Variants in GALNS observed in about 807,000 individuals in gnomAD.
GALNS encodes N-acetylgalactosamine-6-sulfatase.
A neutral mutation model predicts 65.9 loss-of-function variants in GALNS; 65 were observed. That is an observed-to-expected ratio of 0.99 (90% CI 0.81 to 1.21). The LOEUF (loss-of-function observed/expected upper bound fraction) is 1.21, where lower values mean the gene tolerates loss of function less well. GALNS is among the 50% of genes most tolerant of loss of function. The pLI is 0.00. For missense variants in GALNS, 776 were observed against 700.7 expected (o/e 1.11, Z -1.21); for synonymous variants, 346 against 288.9 (o/e 1.20, Z -2.00).
At chr16:88,824,904 G>A in intron 10 of GALNS, 35 bp from the exon 11 acceptor site, 1 of 1,586,616 alleles carries the variant, frequency 6.3e-7, no homozygotes, top group Non-Finnish European at 8.6e-7. Context: ...TGTAATGACA[G>A]GAAGGACACG....
At chr16:88,833,027 G>C (rs1182126587) in intron 8 of GALNS, among the ~76,000 whole-genome samples, 1 of 142,516 alleles carries the variant, frequency 7.0e-6, no homozygotes, top group South Asian at 2.2e-4. Context: ...ACAGTGAGCT[G>C]AGATCGCGCC....
In GALNS at chr16:88,833,228, C is replaced by G. The variant is rs557778397; in HGVS notation, c.899-1127G>C. On this transcript the variant is annotated intron_variant, in intron 8 of 13. Coordinates refer to ENST00000268695, the MANE Select transcript of GALNS (RefSeq NM_000512.5). ...AAGCCTCTGAACGGAACCTCGCAGG[C>G]AGCTCTGCTCAGAGCCCCTCACGGG... is the stretch of plus-strand genomic sequence containing the variant. Among the ~76,000 whole-genome samples, 140 of 152,324 alleles carry G rather than the reference C, an allele frequency of 9.2e-4. 1 individual carries two copies. Among genetic ancestry groups the G allele is most frequent in the Admixed American group, 3.3e-3 (51 of 15,304 alleles).
intron 1 of GALNS, chr16:88,856,415 G>C (rs1361083534): frequency 1.4e-6 from 1 of 701,158 alleles, no homozygotes; most frequent in Non-Finnish European, 2.6e-6. Flanking sequence ...AGGTCAGACG[G>C]GGGAGGCAGG....
chr16:88,816,143 G>T (rs1405868644), intron 13 of GALNS: 3 of 985,332 alleles, frequency 3.0e-6, no homozygotes, highest in Non-Finnish European at 3.6e-6. Context: ...CCCCTGCAGA[G>T]AGCACAGGTG....
chr16:88,827,372 G>A (rs1911040256), intron 9 of GALNS, among the ~76,000 whole-genome samples: 1 of 152,212 alleles, frequency 6.6e-6, no homozygotes, highest in Non-Finnish European at 1.5e-5. Flanking sequence ...CCTCCGGAGG[G>A]CGTGGGCACT....
In GALNS at chr16:88,856,946, C is replaced by T. The variant is rs973158848; in HGVS notation, c.-69G>A. The T allele has an allele frequency of 1.6e-5, 23 of 1,452,482 alleles. No homozygotes were observed. The highest frequency in any genetic ancestry group is 1.0e-4 in the African/African-American group (7 of 66,992). The allele number at this position is 1,452,482 out of a possible 1,614,324, so 90.0% of individuals were successfully genotyped here. A position where few individuals can be genotyped will look rare whatever the true frequency, so the allele number is the denominator to read the frequency against. On this transcript the variant is annotated 5_prime_UTR_variant, in exon 1 of 14. Coordinates refer to ENST00000268695, the MANE Select transcript of GALNS (RefSeq NM_000512.5). The stretch of plus-strand genomic sequence containing the variant: ...AGCGAGCGTCCGCCGGCCCTTCCGG[C>T]TGGGCTGCGGGGCGGGGCCTGGACG...
rs558911063 is a variant in GALNS, at chr16:88,856,745, C to G, written c.120+13G>C. On this transcript the variant is annotated intron_variant, in intron 1 of 13. Coordinates refer to ENST00000268695, the MANE Select transcript of GALNS (RefSeq NM_000512.5). ...CCACCCCGGCCCTGCCCCGTCCCAC[C>G]GCCCGCACTCACGTCGTCCATGAGC... is the stretch of plus-strand genomic sequence containing the variant. 14 of 1,503,268 alleles carry G rather than the reference C, an allele frequency of 9.3e-6. No individual in the cohort carries two copies. The African/African-American group carries it at 1.7e-4, about 18-fold the overall frequency. The allele number at this position is 1,503,268 out of a possible 1,614,324, so 93.1% of individuals were successfully genotyped here. A position where few individuals can be genotyped will look rare whatever the true frequency, so the allele number is the denominator to read the frequency against.
intron 13 of GALNS, 90 bp from the exon 14 acceptor site, chr16:88,814,615 A>C: frequency 6.5e-7 from 1 of 1,541,302 alleles, no homozygotes; most frequent in Non-Finnish European, 8.7e-7. Context: ...TGCTGTTCTG[A>C]GACAGTCTCA....
intron 13 of GALNS, chr16:88,816,514 C>G (rs1378408449): frequency 1.6e-6 from 1 of 627,256 alleles, no homozygotes; most frequent in Non-Finnish European, 2.0e-6. Flanking sequence ...TTGCCAGGCA[C>G]CCCCGCCCCC....
At position 88,831,776 on chromosome 16, in the gene GALNS, C is replaced by T. The variant is rs1405708618; in HGVS notation, c.1002+222G>A. Among the ~76,000 whole-genome samples the T allele has an allele frequency of 5.4e-5, 6 of 111,252 alleles. No individual in the cohort carries two copies. The South Asian group carries it at 9.6e-4, about 18-fold the overall frequency. The allele number at this position is 111,252 out of a possible 152,430, so 73.0% of individuals were successfully genotyped here. On this transcript the variant is annotated intron_variant, in intron 9 of 13. Transcript: ENST00000268695. ...GAGCGGTGAGGCCGAGCACGGGGTGCGTGGGGAGGAGAGCGGTGAGGCCGA... is the reference window on the plus strand; with the variant it reads ...GAGCGGTGAGGCCGAGCACGGGGTGTGTGGGGAGGAGAGCGGTGAGGCCGA...
intron 11 of GALNS, 99 bp downstream of exon 11, chr16:88,824,668 G>C: frequency 1.0e-6 from 1 of 977,446 alleles, no homozygotes; most frequent in Non-Finnish European, 1.6e-6. Flanking sequence ...GTTCCTGCCT[G>C]TCTCACCCTC....
chr16:88,839,977 T>C (rs1966892664), intron 4 of GALNS, among the ~76,000 whole-genome samples: 1 of 152,180 alleles, frequency 6.6e-6, no homozygotes, highest in African/African-American at 2.4e-5. Context: ...ACTCACGCGC[T>C]CCAGTGGCCC....
intron 13 of GALNS, among the ~76,000 whole-genome samples, chr16:88,814,767 A>G (rs1424360807): frequency 6.6e-6 from 1 of 152,030 alleles, no homozygotes; most frequent in Non-Finnish European, 1.5e-5. Flanking sequence ...CGCCTGGCTA[A>G]TTTTTGTATT....
chr16:88,844,661 G>T (rs1967153731), intron 1 of GALNS: 1 of 152,290 alleles, frequency 6.6e-6, no homozygotes. Context: ...CAACACCTGG[G>T]AAAGACAACA....
intron 10 of GALNS, among the ~76,000 whole-genome samples, chr16:88,825,321 T>C (rs1194614749): frequency 1.9e-5 from 2 of 106,996 alleles, no homozygotes; most frequent in Non-Finnish European, 3.6e-5. Flanking sequence ...CGACTGGGTA[T>C]CTGGGGTGCC....
intron 13 of GALNS, chr16:88,817,042 GA>G: frequency 1.0e-6 from 1 of 985,440 alleles, no homozygotes. Flanking sequence ...CGACTAGAGC[GA>G]GGGCCGCACG....
At chr16:88,855,415 C>A in intron 1 of GALNS, 1 of 702,786 alleles carries the variant, frequency 1.4e-6, no homozygotes, top group Non-Finnish European at 2.6e-6. Context: ...AATTCTGAAG[C>A]AAAGTATCTT....
chr16:88,853,566 C>T (rs1967609015), intron 1 of GALNS, among the ~76,000 whole-genome samples: 1 of 152,188 alleles, frequency 6.6e-6, no homozygotes, highest in South Asian at 2.1e-4. Context: ...CTCCTTAACC[C>T]TATTTTCCAA....
intron 12 of GALNS, among the ~76,000 whole-genome samples, chr16:88,820,180 G>A (rs1208085797): frequency 6.6e-6 from 1 of 151,832 alleles, no homozygotes; most frequent in African/African-American, 2.4e-5. Flanking sequence ...CCAGGCTGGA[G>A]TGCAGTGGTG....
Sources: allele counts gnomAD v4.1 joint callset (sites outside exome capture counted in the v4.1 genomes callset), GRCh38; gene constraint gnomAD v4.1.1; transcripts MANE v1.5; gene names NCBI Gene and HGNC (gene_info 2026-07-23, HGNC 2026-07-21).